The following LRRN4 variants were observed in gnomAD, a reference collection of about 807,000 sequenced individuals.
LRRN4 encodes leucine rich repeat neuronal 4.
A neutral mutation model predicts 22.3 loss-of-function variants in LRRN4; 26 were observed. The ratio of observed to expected loss-of-function variants is 1.16; its 90% CI spans 0.85 to 1.62. The LOEUF (loss-of-function observed/expected upper bound fraction) is 1.62. LRRN4 is among the 40% of genes most tolerant of loss of function. The pLI is 0.00. For synonymous variants in LRRN4, 496 were observed against 486.2 expected (o/e 1.02, Z -0.26); for missense variants, 1,070 against 1,008.5 (o/e 1.06, Z -0.83).
chr20:6,044,768 C>G, intron 3 of LRRN4, 88 bp from the exon 4 acceptor site: 1 of 1,217,202 alleles, frequency 8.2e-7, no homozygotes, highest in Non-Finnish European at 1.1e-6. Context: ...CAGAACCATG[C>G]CCATGGTATC....
intron 2 of LRRN4, 49 bp downstream of exon 2, chr20:6,052,096 C>T (rs1469729123): frequency 6.5e-7 from 1 of 1,536,168 alleles, no homozygotes; most frequent in South Asian, 1.2e-5. Context: ...GCACGCGCAG[C>T]CTGGCTCTGC....
intron 4 of LRRN4, among the ~76,000 whole-genome samples, chr20:6,042,853 A>T (rs1422897127): frequency 6.8e-6 from 1 of 146,034 alleles, no homozygotes; most frequent in Non-Finnish European, 1.5e-5. Flanking sequence ...TGGGAGGCAG[A>T]GGTTGCAGTG....
At position 6,052,722 on chromosome 20, in the gene LRRN4, C is replaced by A; in HGVS notation, c.78G>T (p.Pro26=). ...GGCCCTGCTGAGTGACCCGGAAGAG[C>A]GGGACCTTCTCCTGGGGAGGGTCTG... ...SWADPPQEKV[P]LFRVTQQGPW... Residue 26 remains proline, a synonymous_variant, in exon 2 of 5, where the codon CCG becomes CCT. Coordinates refer to ENST00000378858, the MANE Select transcript of LRRN4 (RefSeq NM_152611.5). 1 of 1,570,688 alleles carries A rather than the reference C, an allele frequency of 6.4e-7. No individual in the cohort carries two copies.
At chr20:6,051,063 G>T in intron 2 of LRRN4, 80 bp from the exon 3 acceptor site, 2 of 1,238,420 alleles carry the variant, frequency 1.6e-6, no homozygotes, top group Non-Finnish European at 2.3e-6. Flanking sequence ...GGAAGAACGA[G>T]AGTGGCAAGG....
At chr20:6,052,090 G>T in intron 2 of LRRN4, 55 bp downstream of exon 2, 2 of 1,518,922 alleles carry the variant, frequency 1.3e-6, no homozygotes, top group South Asian at 1.2e-5. Flanking sequence ...CGGAGCGCAC[G>T]CGCAGCCTGG....
chr20:6,045,607 G>A (rs776359539), intron 3 of LRRN4, among the ~76,000 whole-genome samples: 1 of 149,116 alleles, frequency 6.7e-6, no homozygotes, highest in African/African-American at 2.4e-5. Flanking sequence ...CCAGTCCTTT[G>A]GAAGATGCCT....
intron 4 of LRRN4, among the ~76,000 whole-genome samples, chr20:6,042,643 C>T (rs866750638): frequency 2.0e-5 from 3 of 152,074 alleles, no homozygotes; most frequent in African/African-American, 4.8e-5. Context: ...ATACTCGGGC[C>T]GGTGCGATGG....
In LRRN4 at chr20:6,041,709, C is replaced by G. The variant is rs112617006; in HGVS notation, c.1536G>C (p.Pro512=). ...RTHATPQAPN[P]SLSEGEIPVL... is the part of the protein sequence containing the mutation. ...CTGGAATCTCGCCCTCGGAAAGACT[C>G]GGGTTGGGGGCTTGGGGTGTGGCGT... is the stretch of plus-strand genomic sequence containing the variant. The change falls in exon 5 of 5, where the codon CCG becomes CCC. Residue 512 remains proline (P), a synonymous_variant. Transcript: ENST00000378858. The surrounding 1 kb of genome is among the most constrained non-coding windows in gnomAD (Gnocchi z 9.4). The G allele has an allele frequency of 1.9e-6, 3 of 1,613,320 alleles. No homozygotes were observed. The highest frequency in any genetic ancestry group is 1.7e-6 in the Non-Finnish European group (2 of 1,179,542).
In LRRN4 at chr20:6,046,513, C is replaced by A. The variant is rs1027220908; in HGVS notation, c.861-1833G>T. Among the ~76,000 whole-genome samples the A allele has an allele frequency of 2.7e-5, 4 of 148,474 alleles. No homozygotes were observed. In the Admixed American group the frequency reaches 2.7e-4, roughly 10 times the overall value. ...CCTTGACTTTCTCGACTCCCTGAGT[C>A]TCCTGGACCTCCCAGATTTTACCTC... On this transcript the variant is annotated intron_variant, in intron 3 of 4. Transcript: ENST00000378858.
intron 3 of LRRN4, among the ~76,000 whole-genome samples, chr20:6,049,870 T>TCATCAC (rs1384350445): frequency 1.3e-5 from 2 of 152,074 alleles, no homozygotes; most frequent in African/African-American, 4.8e-5. Context: ...ACAGCCTTCA[T>TCATCAC]CATCACCATC....
rs1980902523 is a variant in LRRN4 at position 6,040,846 on chromosome 20, G to T, written c.*176C>A. 1 of 799,924 alleles carries T rather than the reference G, an allele frequency of 1.3e-6. No homozygotes were observed. Among genetic ancestry groups the T allele is most frequent in the Non-Finnish European group, 1.9e-6 (1 of 519,048 alleles). The allele number at this position is 799,924 out of a possible 1,614,324, so 49.6% of individuals were successfully genotyped here. A position where few individuals can be genotyped will look rare whatever the true frequency, so the allele number is the denominator to read the frequency against. ...ACAGAGTTAAGTAGAAGGAAGGGAG[G>T]GCAGCAGTTCCTTGGACCCAGACAC... On this transcript the variant is annotated 3_prime_UTR_variant, in exon 5 of 5. Transcript: ENST00000378858.
rs896271397 is a variant in LRRN4 at position 6,040,931 on chromosome 20, C to T, written c.*91G>A. On this transcript the variant is annotated 3_prime_UTR_variant, in exon 5 of 5. Coordinates refer to ENST00000378858, the MANE Select transcript of LRRN4 (RefSeq NM_152611.5). ...TCTGGCTTCACGGGAATTAGAAACC[C>T]TAGGAGCGGATGGGGTCGTTTTTGA... 3.2e-6 allele frequency: 5 copies of T among 1,541,856 alleles called. No individual in the cohort carries two copies. Among genetic ancestry groups the T allele is most frequent in the Non-Finnish European group, 4.4e-6 (5 of 1,140,062 alleles).
At position 6,041,354 on chromosome 20, in the gene LRRN4, C is replaced by T. The variant is rs772179822; in HGVS notation, c.1891G>A (p.Ala631Thr). 2.5e-6 allele frequency: 4 copies of T among 1,596,108 alleles called. No individual in the cohort carries two copies. Among genetic ancestry groups the T allele is most frequent in the South Asian group, 2.2e-5 (2 of 89,652 alleles). The change falls in exon 5 of 5, where the codon GCC becomes ACC. Residue 631 changes from alanine to threonine, a missense_variant. Ala to Thr is a moderately conservative substitution (Grantham distance 58, BLOSUM62 0). Transcript: ENST00000378858. This position sits in a 1 kb window ranked among gnomAD's most constrained non-coding sequence, Gnocchi z 9.4. ...GNQSVVGVIY[A>T]TARQHPLYGL... ...TACAGAGGGTGCTGCCGGGCCGTGG[C>T]GTAGATGACCCCCACCACCGACTGG...
chr20:6,042,093 T>A lies in LRRN4; in HGVS notation c.1152A>T (p.Ala384=). 6.2e-7 allele frequency: 1 copy of A among 1,614,046 alleles called. No individual in the cohort carries two copies. Among genetic ancestry groups the A allele is most frequent in the South Asian group, 1.1e-5 (1 of 91,078 alleles). ...CGCTGGGCGCGACGGTGGTACCCTG[T>A]GCGTAGGTGGAGCGGTTGAAGCAAG... ...HPPCFNRSTY[A]QGTTVAPSAA... The change falls in exon 5 of 5, where the codon GCA becomes GCT. Residue 384 remains alanine, a synonymous_variant. Coordinates refer to ENST00000378858, the MANE Select transcript of LRRN4 (RefSeq NM_152611.5).
rs1483817207 is a variant in LRRN4, at chr20:6,040,547, C to G, written c.*475G>C. Among the ~76,000 whole-genome samples the G allele has an allele frequency of 6.6e-6, 1 of 152,204 alleles. No homozygotes were observed. The highest frequency in any genetic ancestry group is 1.5e-5 in the Non-Finnish European group (1 of 68,038). On this transcript the variant is annotated 3_prime_UTR_variant, in exon 5 of 5. Coordinates refer to ENST00000378858, the MANE Select transcript of LRRN4 (RefSeq NM_152611.5). ...GTTCTCAGGAATTGGAACTGGAAAT[C>G]CACTGGAATTGATTTCTTGAATAAC...
chr20:6,046,989 C>T (rs1199475685), intron 3 of LRRN4, among the ~76,000 whole-genome samples: 1 of 152,116 alleles, frequency 6.6e-6, no homozygotes, highest in Non-Finnish European at 1.5e-5. Context: ...TTGAGTAACA[C>T]CGCTGAGTCC....
At position 6,041,406 on chromosome 20, in the gene LRRN4, G is replaced by A; in HGVS notation, c.1839C>T (p.Arg613=). 2 of 1,568,412 alleles carry A rather than the reference G, an allele frequency of 1.3e-6. No individual in the cohort carries two copies. The highest frequency in any genetic ancestry group is 1.7e-6 in the Non-Finnish European group (2 of 1,157,130). ...PNSVVHGYQI[R]YSAEGWAGNQ... ...TCCCCGCCCAGCCCTCCGCAGAGTA[G>A]CGGATCTGGTACCCATGCACTACCG... The change falls in exon 5 of 5, where the codon CGC becomes CGT. Residue 613 remains arginine (R), a synonymous_variant. Coordinates refer to ENST00000378858, the MANE Select transcript of LRRN4 (RefSeq NM_152611.5). The surrounding 1 kb of genome is among the most constrained non-coding windows in gnomAD (Gnocchi z 9.4).
chr20:6,046,143 C>G (rs908561969), intron 3 of LRRN4, among the ~76,000 whole-genome samples: 1 of 148,012 alleles, frequency 6.8e-6, no homozygotes, highest in Non-Finnish European at 1.5e-5. Flanking sequence ...GACCCTGTCT[C>G]TACAAAAAAA....
In LRRN4 at chr20:6,052,779, C is replaced by T. The variant is rs1981297920; in HGVS notation, c.21G>A (p.Leu7=). 1 of 1,573,750 alleles carries T rather than the reference C, an allele frequency of 6.4e-7. No homozygotes were observed. Among genetic ancestry groups the T allele is most frequent in the East Asian group, 2.3e-5 (1 of 43,696 alleles). Residue 7 remains leucine, a synonymous_variant, in exon 2 of 5, where the codon CTG becomes CTA. Transcript: ENST00000378858. MRQTLP[L]LLLTVLRPSW... ...TGGGGCGCAGCACCGTCAGCAGCAG[C>T]AGCGGTAGGGTTTGCCGCATGGCGT...
Sources: gnomAD v4.1 joint callset for allele counts (sites outside exome capture counted in the v4.1 genomes callset) on GRCh38, gnomAD v4.1.1 for gene constraint, Gnocchi (gnomAD v3.1) non-coding constraint, MANE v1.5 for transcripts, NCBI Gene and HGNC (gene_info 2026-07-23, HGNC 2026-07-21) for gene names.